The following ALX1 variants were observed in gnomAD, a reference collection of about 807,000 sequenced individuals.
ALX1 encodes ALX homeobox protein 1.
A neutral mutation model predicts 31.7 loss-of-function variants in ALX1; 19 were observed. The ratio of observed to expected loss-of-function variants is 0.60; its 90% CI spans 0.42 to 0.88. ALX1 has a LOEUF of 0.88. Among genes scored for constraint, ALX1 ranks in the 40% least tolerant of loss-of-function variants. ALX1 has a pLI of 0.00. For synonymous variants in ALX1, 153 were observed against 148.8 expected, an observed-to-expected ratio of 1.03 and a Z score of -0.20; for missense variants, 415 against 407.8, an observed-to-expected ratio of 1.02 and a Z score of -0.15.
intron 3 of ALX1, among the ~76,000 whole-genome samples, chr12:85,287,662 TAA>T (rs1165129220): frequency 6.6e-6 from 1 of 151,636 alleles, no homozygotes; most frequent in South Asian, 2.1e-4. Flanking sequence ...TTTTTCAATA[TAA>T]GACTATATAT....
Position 85,301,643 on chromosome 12 carries a change from T to G in ALX1, c.*168T>G. On this transcript the variant is annotated 3_prime_UTR_variant, in exon 4 of 4. Transcript: ENST00000316824. Reference sequence around the variant, plus strand: ...GTTATTTAACATTAAAATCTAAGAATGAACCTCTGAAAAGACTAAATAGGT... The same window carrying G: ...GTTATTTAACATTAAAATCTAAGAAGGAACCTCTGAAAAGACTAAATAGGT... 2.6e-6 allele frequency: 2 copies of G among 755,232 alleles called. No individual in the cohort carries two copies. Among genetic ancestry groups the G allele is most frequent in the South Asian group, 3.7e-5 (2 of 53,572 alleles). 46.8% of individuals were successfully genotyped at this position (755,232 alleles called of 1,614,324 possible). A position where few individuals can be genotyped will look rare whatever the true frequency, so the allele number is the denominator to read the frequency against.
intron 3 of ALX1, among the ~76,000 whole-genome samples, chr12:85,296,998 A>G (rs1385610464): frequency 6.6e-6 from 1 of 151,716 alleles, no homozygotes; most frequent in Non-Finnish European, 1.5e-5. Flanking sequence ...TGGGCTTCCC[A>G]GTTGACAAAA....
In ALX1 at chr12:85,283,758, C is replaced by T. The variant is rs1008969707; in HGVS notation, c.413C>T (p.Thr138Ile). 1.9e-6 allele frequency: 3 copies of T among 1,613,982 alleles called. No homozygotes were observed. Among genetic ancestry groups the T allele is most frequent in the African/African-American group, 1.3e-5 (1 of 74,904 alleles). The stretch of plus-strand genomic sequence containing the variant: ...AGTAAGAAACGGAGGCACCGAACCA[C>T]CTTCACCAGTTTGCAGCTAGAGGAG... ...SSSKKRRHRT[T>I]FTSLQLEELE... The change falls in exon 2 of 4, where the codon ACC becomes ATC. Residue 138 changes from threonine (T) to isoleucine (I), a missense_variant. By Grantham distance (89) the Thr-to-Ile change is moderately conservative. Transcript: ENST00000316824.
intron 2 of ALX1, among the ~76,000 whole-genome samples, chr12:85,286,537 G>A (rs947560423): frequency 2.0e-5 from 3 of 151,758 alleles, no homozygotes; most frequent in African/African-American, 4.8e-5. Context: ...GGAGATATAT[G>A]GAGTATTCAG....
intron 2 of ALX1, among the ~76,000 whole-genome samples, chr12:85,284,375 T>A (rs2137377713): frequency 6.6e-6 from 1 of 151,472 alleles, no homozygotes; most frequent in South Asian, 2.1e-4. Flanking sequence ...TTCCCAATTG[T>A]TATGTATACC....
rs887796715 is a variant in ALX1 at position 85,292,271 on chromosome 12, C to G, written c.660+5290C>G. On this transcript the variant is annotated intron_variant, in intron 3 of 3. Coordinates refer to ENST00000316824, the MANE Select transcript of ALX1 (RefSeq NM_006982.3). The stretch of plus-strand genomic sequence containing the variant: ...CATACTTTCCTTTTTAAATTGAAAA[C>G]CAAATACGGTAACTTTAGAAAAGTT... Among the ~76,000 whole-genome samples the G allele has an allele frequency of 5.5e-4, 83 of 151,082 alleles. 1 individual carries two copies. Among genetic ancestry groups the G allele is most frequent in the Non-Finnish European group, 2.7e-4 (18 of 67,262 alleles).
At chr12:85,291,334 A>T (rs1033296037) in intron 3 of ALX1, among the ~76,000 whole-genome samples, 3 of 151,140 alleles carry the variant, frequency 2.0e-5, no homozygotes, top group Non-Finnish European at 4.5e-5. Context: ...ACTGGGTAAT[A>T]TTTGTACTAA....
chr12:85,280,402 CAA>C lies in ALX1; in HGVS notation c.143_144del (p.Lys48MetfsTer34). The C allele has an allele frequency of 1.9e-6, 3 of 1,613,604 alleles. No individual in the cohort carries two copies. Among genetic ancestry groups the C allele is most frequent in the Non-Finnish European group, 2.5e-6 (3 of 1,180,032 alleles). On this transcript the variant is annotated frameshift_variant, in exon 1 of 4. Coordinates refer to ENST00000316824, the MANE Select transcript of ALX1 (RefSeq NM_006982.3). LOFTEE classifies it high-confidence loss of function. ...ESFYSKASAGKCVQAFGPLPR... is the reference protein window; with the variant it reads ...ESFYSKASAGXCVQAFGPLPR... ...CCTTTTACAGCAAAGCGTCTGCAGG[CAA>C]ATGCGTGCAGGCCTTCGGACCCCTG...
intron 2 of ALX1, among the ~76,000 whole-genome samples, chr12:85,286,199 A>G (rs769958014): frequency 4.5e-4 from 69 of 151,938 alleles, no homozygotes; most frequent in East Asian, 1.9e-4. Context: ...TTTTAAAACC[A>G]TAGTTCAACT....
intron 3 of ALX1, among the ~76,000 whole-genome samples, chr12:85,300,661 A>G (rs562126778): frequency 6.6e-6 from 1 of 152,222 alleles, no homozygotes; most frequent in South Asian, 2.1e-4. Flanking sequence ...AATAAGTTTG[A>G]TCAAAAATAT....
In ALX1 at chr12:85,280,498, A is replaced by G; in HGVS notation, c.226+11A>G. 1 of 1,608,594 alleles carries G rather than the reference A, an allele frequency of 6.2e-7. No homozygotes were observed. The highest frequency in any genetic ancestry group is 8.5e-7 in the Non-Finnish European group (1 of 1,179,466). ...GTCAGGACAGCAGCGGTGAGTCGCT[A>G]GCGCCCCAGCCGGAGCCGCCGCAGC... is the stretch of plus-strand genomic sequence containing the variant. On this transcript the variant is annotated intron_variant, in intron 1 of 3. Coordinates refer to ENST00000316824, the MANE Select transcript of ALX1 (RefSeq NM_006982.3).
intron 2 of ALX1, among the ~76,000 whole-genome samples, chr12:85,284,334 G>A (rs1896721593): frequency 6.8e-6 from 1 of 146,970 alleles, no homozygotes; most frequent in Non-Finnish European, 1.5e-5. Context: ...TAGATTTGGA[G>A]GCATAATAAA....
At chr12:85,293,224 G>C (rs1427222797) in intron 3 of ALX1, among the ~76,000 whole-genome samples, 2 of 139,746 alleles carry the variant, frequency 1.4e-5, no homozygotes, top group Non-Finnish European at 1.5e-5. Flanking sequence ...AATTTATATA[G>C]TTTAAATAAA....
chr12:85,294,963 T>C (rs925973561), intron 3 of ALX1, among the ~76,000 whole-genome samples: 1 of 151,348 alleles, frequency 6.6e-6, no homozygotes, highest in Non-Finnish European at 1.5e-5. Flanking sequence ...TTAAGAATGT[T>C]TAAAATGTCA....
intron 1 of ALX1, 73 bp from the exon 2 acceptor site, chr12:85,283,499 C>T (rs763434823): frequency 5.4e-6 from 8 of 1,480,262 alleles, no homozygotes; most frequent in Non-Finnish European, 7.5e-6. Flanking sequence ...CTCTCAATTA[C>T]TTCTACTTAT....
chr12:85,294,414 T>G (rs11116774), intron 3 of ALX1, among the ~76,000 whole-genome samples: 25,536 of 150,998 alleles, frequency 0.17, 4,689 homozygotes, highest in African/African-American at 0.46. Context: ...GGTTAGGTGT[T>G]ACCATTTTAT....
intron 1 of ALX1, among the ~76,000 whole-genome samples, chr12:85,281,504 C>A (rs1396609144): frequency 1.3e-5 from 2 of 152,140 alleles, no homozygotes; most frequent in Non-Finnish European, 2.9e-5. Context: ...AAGCCCCCTG[C>A]CCCCTATTTT....
Position 85,283,772 on chromosome 12 carries a change from C to T in ALX1, c.427C>T (p.Gln143Ter). Residue 143 changes from glutamine (Q) to a stop codon, truncating the protein, a stop_gained, in exon 2 of 4, where the codon CAG becomes TAG. Coordinates refer to ENST00000316824, the MANE Select transcript of ALX1 (RefSeq NM_006982.3). LOFTEE classifies it high-confidence loss of function. ...RRHRTTFTSL[Q>*]LEELEKVFQK... Reference sequence around the variant, plus strand: ...GCACCGAACCACCTTCACCAGTTTGCAGCTAGAGGAGCTGGAGAAAGTCTT... The same window carrying T: ...GCACCGAACCACCTTCACCAGTTTGTAGCTAGAGGAGCTGGAGAAAGTCTT... 2 of 1,614,132 alleles carry T rather than the reference C, an allele frequency of 1.2e-6. No homozygotes were observed. The highest frequency in any genetic ancestry group is 1.7e-6 in the Non-Finnish European group (2 of 1,180,012).
Position 85,280,483 on chromosome 12 carries a change from C to G in ALX1, c.222C>G (p.Ser74Arg), listed in dbSNP as rs1285955190. 1 of 1,610,680 alleles carries G rather than the reference C, an allele frequency of 6.2e-7. No individual in the cohort carries two copies. Among genetic ancestry groups the G allele is most frequent in the Admixed American group, 1.7e-5 (1 of 59,988 alleles). ...AGAGGACCTCGCCCTGTCAGGACAG[C>G]AGCGGTGAGTCGCTAGCGCCCCAGC... is the stretch of plus-strand genomic sequence containing the variant. Reference protein sequence around the residue: ...RLERTSPCQDSSVNYGITKVE... With the variant: ...RLERTSPCQDRSVNYGITKVE... The change falls in exon 1 of 4, where the codon AGC (serine) becomes AGG (arginine). Residue 74 changes from serine (S) to arginine (R), a missense_variant. Coordinates refer to ENST00000316824, the MANE Select transcript of ALX1 (RefSeq NM_006982.3).
Sources: allele counts gnomAD v4.1 joint callset (sites outside exome capture counted in the v4.1 genomes callset), GRCh38; gene constraint gnomAD v4.1.1; transcripts MANE v1.5; gene names NCBI Gene and HGNC (gene_info 2026-07-23, HGNC 2026-07-21).